The following CHEK2 variants were observed in gnomAD, a reference collection of about 807,000 sequenced individuals.
CHEK2 encodes checkpoint kinase 2.
In CHEK2, 71 loss-of-function variants were observed where a neutral mutation model predicts 69.1. The observed-to-expected ratio is 1.03, with a 90% CI of 0.85 to 1.25. The LOEUF (loss-of-function observed/expected upper bound fraction) is 1.25. CHEK2 is among the 50% of genes most tolerant of loss of function. The pLI is 0.00. For missense variants in CHEK2, 664 were observed against 649.6 expected (o/e 1.02, Z -0.24); for synonymous variants, 189 against 226.9 (o/e 0.83, Z 1.50).
intron 2 of CHEK2, among the ~76,000 whole-genome samples, chr22:28,729,540 CAAAAAAAAAAAAAA>C (rs58149342): frequency 2.4e-5 from 2 of 83,090 alleles, no homozygotes; most frequent in Non-Finnish European, 4.3e-5. Flanking sequence ...GACTCCATCT[CAAAAAAAAAAAAAA>C]AAAAAAAAAA....
At chr22:28,726,713 T>G (rs1197180541) in intron 2 of CHEK2, among the ~76,000 whole-genome samples, 4 of 148,218 alleles carry the variant, frequency 2.7e-5, no homozygotes, top group Non-Finnish European at 5.9e-5. Flanking sequence ...GAAAATTACT[T>G]GCAATACAGT....
intron 5 of CHEK2, 107 bp from the exon 6 acceptor site, chr22:28,712,124 A>G: frequency 1.2e-6 from 1 of 820,126 alleles, no homozygotes; most frequent in South Asian, 1.4e-5. Context: ...TCCATATAAC[A>G]GCCTTTCCAT....
At chr22:28,694,750 G>A (rs1380980283) in intron 12 of CHEK2, among the ~76,000 whole-genome samples, 1 of 152,126 alleles carries the variant, frequency 6.6e-6, no homozygotes, top group Non-Finnish European at 1.5e-5. Context: ...TTACTCAAAG[G>A]AAACCTTGTA....
chr22:28,724,997 A>G lies in CHEK2; in HGVS notation c.572T>C (p.Leu191Pro), dbSNP rs1601822957. 6.2e-7 allele frequency: 1 copy of G among 1,613,980 alleles called. No homozygotes were observed. Among genetic ancestry groups the G allele is most frequent in the Non-Finnish European group, 8.5e-7 (1 of 1,179,972 alleles). Residue 191 changes from leucine (L) to proline (P), a missense_variant, in exon 4 of 15, where the codon CTG becomes CCG. Physicochemically the swap from Leu to Pro is moderately conservative, Grantham distance 98. Coordinates refer to ENST00000404276, the MANE Select transcript of CHEK2 (RefSeq NM_007194.4). ...ATTACCTTTATTTCTGCTTAGTGAC[A>G]GTGCAATTTCAGAATTGTTATTCAA... The part of the protein sequence containing the change: ...RPLNNNSEIA[L>P]SLSRNKVFVF...
Position 28,689,124 on chromosome 22 carries a change from A to T in CHEK2, c.1542+11T>A, listed in dbSNP as rs17881716. Reference sequence around the variant, plus strand: ...CAGACTACATTTAGTGATCATCAGGAATACGAATACCTGGGCTAGAACCTG... The same window carrying T: ...CAGACTACATTTAGTGATCATCAGGTATACGAATACCTGGGCTAGAACCTG... On this transcript the variant is annotated intron_variant, in intron 14 of 14. Coordinates refer to ENST00000404276, the MANE Select transcript of CHEK2 (RefSeq NM_007194.4). 3.0e-3 allele frequency: 4,687 copies of T among 1,568,954 alleles called. 153 individuals are homozygous for T. In the African/African-American group the frequency reaches 0.058, roughly 19 times the overall value.
chr22:28,725,489 C>T, intron 2 of CHEK2, 122 bp from the exon 3 acceptor site: 1 of 1,165,514 alleles, frequency 8.6e-7, no homozygotes, highest in East Asian at 2.3e-5. Context: ...TATCAATCTG[C>T]TTATCAAGAT....
intron 2 of CHEK2, chr22:28,729,203 A>T (rs1472014935): frequency 4.9e-6 from 1 of 205,860 alleles, no homozygotes; most frequent in East Asian, 1.8e-4. Flanking sequence ...ACAGTAGCAA[A>T]CTAAATCCAG....
At chr22:28,688,486 T>C (rs1390702931) in intron 14 of CHEK2, among the ~76,000 whole-genome samples, 1 of 152,202 alleles carries the variant, frequency 6.6e-6, no homozygotes, top group Non-Finnish European at 1.5e-5. Context: ...CTGACCAACA[T>C]GGCAAAACCC....
rs17885975 is a variant in CHEK2 at position 28,741,289 on chromosome 22, C to T, written c.-7+480G>A. Among the ~76,000 whole-genome samples, 741 of 151,470 alleles carry T rather than the reference C, an allele frequency of 4.9e-3. 3 individuals are homozygous for T. The highest frequency in any genetic ancestry group is 6.6e-3 in the Non-Finnish European group (450 of 67,894). On this transcript the variant is annotated intron_variant, in intron 1 of 14. Coordinates refer to ENST00000404276, the MANE Select transcript of CHEK2 (RefSeq NM_007194.4). Reference sequence around the variant, plus strand: ...TTTTTTTCAAGCAGAAAACCTAAGTCCGAAGGAGGACTGATGCCCTCCTAC... The same window carrying T: ...TTTTTTTCAAGCAGAAAACCTAAGTTCGAAGGAGGACTGATGCCCTCCTAC...
intron 2 of CHEK2, chr22:28,728,000 C>G (rs1485363331): frequency 6.6e-6 from 1 of 152,220 alleles, no homozygotes; most frequent in Non-Finnish European, 1.5e-5. Context: ...GGCACGATGG[C>G]TCACACCTGT....
At chr22:28,700,609 C>A (rs2052804544) in intron 8 of CHEK2, among the ~76,000 whole-genome samples, 2 of 152,098 alleles carry the variant, frequency 1.3e-5, no homozygotes, top group Non-Finnish European at 2.9e-5. Flanking sequence ...AGGATCTGAA[C>A]CCTAACTCTA....
rs1569172955 is a variant in CHEK2, at chr22:28,735,416, ACT to A, written c.-6-691_-6-690del. Among the ~76,000 whole-genome samples, 9 of 151,658 alleles carry A rather than the reference ACT, an allele frequency of 5.9e-5. No homozygotes were observed. In the South Asian group the frequency reaches 1.9e-3, roughly 32 times the overall value. On this transcript the variant is annotated intron_variant, in intron 1 of 14. Transcript: ENST00000404276. ...GCAAGACTCCGTTTCAAAAAAAAAA[ACT>A]CATATATACAGTCCTCAATTTAACA... is the stretch of plus-strand genomic sequence containing the variant.
intron 1 of CHEK2, among the ~76,000 whole-genome samples, chr22:28,736,653 T>C (rs552398739): frequency 6.6e-6 from 1 of 152,254 alleles, no homozygotes; most frequent in South Asian, 2.1e-4. Context: ...TAGACTGTCA[T>C]AACAGGCTGG....
intron 4 of CHEK2, 133 bp downstream of exon 4, chr22:28,724,844 G>C: frequency 1.1e-6 from 1 of 939,542 alleles, no homozygotes; most frequent in Non-Finnish European, 1.7e-6. Flanking sequence ...GGGATTACAG[G>C]TGTGAGCCAC....
In CHEK2 at chr22:28,739,370, C is replaced by CT. The variant is rs113960351; in HGVS notation, c.-7+2398dup. Reference sequence around the variant, plus strand: ...TATATTAAAAAAATGCTCAACATCACTGATCACTGGAGAAATATAAATCAA... The same window carrying CT: ...TATATTAAAAAAATGCTCAACATCACTTGATCACTGGAGAAATATAAATCAA... On this transcript the variant is annotated intron_variant, in intron 1 of 14. Coordinates refer to ENST00000404276, the MANE Select transcript of CHEK2 (RefSeq NM_007194.4). Among the ~76,000 whole-genome samples the CT allele has an allele frequency of 0.11, 16,963 of 152,144 alleles. 1,007 individuals carry two copies. Among genetic ancestry groups the CT allele is most frequent in the East Asian group, 0.16 (820 of 5,162 alleles).
intron 7 of CHEK2, among the ~76,000 whole-genome samples, chr22:28,707,986 G>C (rs2053219339): frequency 6.6e-6 from 1 of 151,356 alleles, no homozygotes; most frequent in Non-Finnish European, 1.5e-5. Context: ...ACACGCACCC[G>C]CCACCACGCC....
intron 2 of CHEK2, chr22:28,726,399 T>C (rs1048420371): frequency 6.8e-6 from 1 of 147,282 alleles, no homozygotes; most frequent in Non-Finnish European, 1.5e-5. Flanking sequence ...ATTTAATATA[T>C]ATTATATATT....
chr22:28,718,917 C>CACAT (rs1555924195), intron 5 of CHEK2, among the ~76,000 whole-genome samples: 184 of 146,122 alleles, frequency 1.3e-3, no homozygotes, highest in South Asian at 2.4e-3. Flanking sequence ...CACACACACA[C>CACAT]ACACAGGAAA....
chr22:28,699,367 T>C (rs8141977), intron 9 of CHEK2, among the ~76,000 whole-genome samples: 17 of 130,200 alleles, frequency 1.3e-4, no homozygotes, highest in East Asian at 1.0e-3. Flanking sequence ...TTTTTCTTTT[T>C]TTTTTTTTTT....
Sources: gnomAD v4.1 joint callset for allele counts (sites outside exome capture counted in the v4.1 genomes callset) on GRCh38, gnomAD v4.1.1 for gene constraint, MANE v1.5 for transcripts, NCBI Gene and HGNC (gene_info 2026-07-23, HGNC 2026-07-21) for gene names.